The following NEFM variants were observed in gnomAD, a reference collection of about 807,000 sequenced individuals.
The protein encoded by NEFM is neurofilament medium polypeptide.
A neutral mutation model predicts 48.1 loss-of-function variants in NEFM; 16 were observed. The ratio of observed to expected loss-of-function variants is 0.33; its 90% CI spans 0.23 to 0.51. The LOEUF (loss-of-function observed/expected upper bound fraction) is 0.51, where lower values mean the gene tolerates loss of function less well. NEFM is among the 20% of genes least tolerant of loss of function. NEFM has a pLI of 0.98. For synonymous variants in NEFM, 465 were observed against 456.9 expected, an observed-to-expected ratio of 1.02 and a Z score of -0.23; for missense variants, 1,107 against 1,136.0, an observed-to-expected ratio of 0.97 and a Z score of 0.37.
Position 24,914,041 on chromosome 8 carries a change from T to A in NEFM, c.248T>A (p.Leu83Gln), listed in dbSNP as rs925668092. 1 of 1,612,700 alleles carries A rather than the reference T, an allele frequency of 6.2e-7. No homozygotes were observed. The highest frequency in any genetic ancestry group is 8.5e-7 in the Non-Finnish European group (1 of 1,179,976). The change falls in exon 1 of 3, where the codon CTG becomes CAG. Residue 83 changes from leucine to glutamine, a missense_variant. Leu to Gln is a moderately radical substitution (Grantham distance 113, BLOSUM62 -2). Around this residue, in one of 3 missense-constraint regions of NEFM, gnomAD observed 186 missense variants for 200.6 expected, o/e 0.93. Transcript: ENST00000221166. ...SSLDFSQSSS[L>Q]LNGGSGPGGD... ...CTTGACTTCAGCCAGTCCTCGTCCC[T>A]GCTCAACGGCGGCTCCGGACCCGGC...
At position 24,914,693 on chromosome 8, in the gene NEFM, C is replaced by G. The variant is rs748940347; in HGVS notation, c.900C>G (p.Thr300=). Residue 300 remains threonine (T), a synonymous_variant, in exon 1 of 3, where the codon ACC becomes ACG. Transcript: ENST00000221166. ...EWFKCRYAKL[T]EAAEQNKEAI... is the part of the protein sequence containing the mutation. ...TCAAATGCCGCTACGCCAAGCTCAC[C>G]GAGGCGGCCGAGCAGAACAAGGAGG... The G allele has an allele frequency of 1.9e-6, 3 of 1,613,986 alleles. No individual in the cohort carries two copies. The highest frequency in any genetic ancestry group is 2.5e-6 in the Non-Finnish European group (3 of 1,180,028).
chr8:24,918,595 C>A lies in NEFM; in HGVS notation c.2740C>A (p.Gln914Lys). ...ACACGCCATAGTAAAGGAAGTCACC[C>A]AGAGTGACTAAGATTTGAGTCCATT... ...TSHAIVKEVT[Q>K]SD is the part of the protein sequence containing the mutation. The change falls in exon 3 of 3, where the codon CAG (glutamine) becomes AAG (lysine). Residue 914 changes from glutamine to lysine, a missense_variant. Gln to Lys is a moderately conservative substitution (Grantham distance 53). Coordinates refer to ENST00000221166, the MANE Select transcript of NEFM (RefSeq NM_005382.2). 1 of 1,609,486 alleles carries A rather than the reference C, an allele frequency of 6.2e-7. No homozygotes were observed. Among genetic ancestry groups the A allele is most frequent in the Non-Finnish European group, 8.5e-7 (1 of 1,178,190 alleles).
chr8:24,918,350 A>G lies in NEFM; in HGVS notation c.2495A>G (p.Asn832Ser). 6.2e-7 allele frequency: 1 copy of G among 1,614,156 alleles called. No individual in the cohort carries two copies. Among genetic ancestry groups the G allele is most frequent in the South Asian group, 1.1e-5 (1 of 91,064 alleles). ...GREEEKGVVT[N>S]GLDLSPADEK... ...GAAGAGGAGAAAGGCGTTGTCACCA[A>G]TGGCCTAGACTTGAGCCCAGCAGAT... Residue 832 changes from asparagine (N) to serine (S), a missense_variant, in exon 3 of 3, where the codon AAT becomes AGT. By Grantham distance (46) the Asn-to-Ser change is conservative (BLOSUM62 1). Transcript: ENST00000221166.
chr8:24,917,842 G>C lies in NEFM; in HGVS notation c.1987G>C (p.Glu663Gln). The change falls in exon 3 of 3, where the codon GAG becomes CAG. Residue 663 changes from glutamate to glutamine, a missense_variant. Physicochemically the swap from Glu to Gln is conservative, Grantham distance 29. Transcript: ENST00000221166. ...TCCTGTGCCGAAATCACCAGTGGAA[G>C]AGAAAGGCAAGTCTCCTGTGTCAAA... is the stretch of plus-strand genomic sequence containing the variant. ...KSPVPKSPVE[E>Q]KGKSPVSKSP... The C allele has an allele frequency of 6.2e-7, 1 of 1,614,040 alleles. No individual in the cohort carries two copies. The highest frequency in any genetic ancestry group is 8.5e-7 in the Non-Finnish European group (1 of 1,179,964).
Position 24,914,499 on chromosome 8 carries a change from A to G in NEFM, c.706A>G (p.Ser236Gly). The G allele has an allele frequency of 6.2e-7, 1 of 1,613,998 alleles. No homozygotes were observed. The highest frequency in any genetic ancestry group is 8.5e-7 in the Non-Finnish European group (1 of 1,180,038). The change falls in exon 1 of 3, where the codon AGC becomes GGC. Residue 236 changes from serine to glycine, a missense_variant. Physicochemically the swap from Ser to Gly is moderately conservative, Grantham distance 56 (BLOSUM62 0). This residue lies in a region of NEFM where 917 missense variants were observed against 916.4 expected (regional missense o/e 1.00). Coordinates refer to ENST00000221166, the MANE Select transcript of NEFM (RefSeq NM_005382.2). ...GCAGGATGAGGTGGCCTTCCTGCGG[A>G]GCAACCACGAGGAGGAGGTGGCCGA... ...SLQDEVAFLR[S>G]NHEEEVADLL...
intron 1 of NEFM, 148 bp from the exon 2 acceptor site, chr8:24,915,457 G>A (rs1802558085): frequency 1.6e-6 from 2 of 1,253,670 alleles, no homozygotes; most frequent in Non-Finnish European, 1.1e-6. Context: ...AAGGGGGTGG[G>A]ACGGGGGGCT....
Position 24,918,193 on chromosome 8 carries a change from G to A in NEFM, c.2338G>A (p.Glu780Lys), listed in dbSNP as rs141781481. 7.1e-6 allele frequency: 11 copies of A among 1,552,686 alleles called. No homozygotes were observed. In the African/African-American group the frequency reaches 1.4e-4, roughly 19 times the overall value. ...GAAAGAGAAGGAGAAAGCGGGAGGAGAGGGAGGAAGTGAGGAGGAAGGGAG... is the reference window on the plus strand; with the variant it reads ...GAAAGAGAAGGAGAAAGCGGGAGGAAAGGGAGGAAGTGAGGAGGAAGGGAG... ...QEKEKEKAGG[E>K]GGSEEEGSDK... The change falls in exon 3 of 3, where the codon GAG (glutamate) becomes AAG (lysine). Residue 780 changes from glutamate (E) to lysine (K), a missense_variant. Around this residue, in one of 3 missense-constraint regions of NEFM, gnomAD observed 917 missense variants for 916.4 expected, o/e 1.00. Transcript: ENST00000221166.
At position 24,916,927 on chromosome 8, in the gene NEFM, T is replaced by C. The variant is rs1189439273; in HGVS notation, c.1206-134T>C. On this transcript the variant is annotated intron_variant, in intron 2 of 2. Transcript: ENST00000221166. The stretch of plus-strand genomic sequence containing the variant: ...CAGTAAGTGATAGCAGGTATTATAG[T>C]GAATTCATAGAATATTCTACTTATG... 4 of 804,970 alleles carry C rather than the reference T, an allele frequency of 5.0e-6. No individual in the cohort carries two copies. The African/African-American group carries it at 5.1e-5, about 10-fold the overall frequency. 49.9% of individuals were successfully genotyped at this position (804,970 alleles called of 1,614,324 possible). A position where few individuals can be genotyped will look rare whatever the true frequency, so the allele number is the denominator to read the frequency against.
chr8:24,918,443 G>T lies in NEFM; in HGVS notation c.2588G>T (p.Ser863Ile), dbSNP rs750609179. 1 of 1,614,172 alleles carries T rather than the reference G, an allele frequency of 6.2e-7. No individual in the cohort carries two copies. The highest frequency in any genetic ancestry group is 1.3e-5 in the African/African-American group (1 of 75,042). The change falls in exon 3 of 3, where the codon AGT (serine) becomes ATT (isoleucine). Residue 863 changes from serine to isoleucine, a missense_variant. By Grantham distance (142) the Ser-to-Ile change is moderately radical (BLOSUM62 -2). Around this residue, in one of 3 missense-constraint regions of NEFM, gnomAD observed 917 missense variants for 916.4 expected, o/e 1.00. Coordinates refer to ENST00000221166, the MANE Select transcript of NEFM (RefSeq NM_005382.2). ...VVTKTVEKIT[S>I]EGGDGATKYI... ...ACCAAAACGGTAGAAAAAATCACCA[G>T]TGAGGGGGGAGATGGTGCTACCAAA...
In NEFM at chr8:24,913,895, C is replaced by A; in HGVS notation, c.102C>A (p.Gly34=). 2 of 1,610,842 alleles carry A rather than the reference C, an allele frequency of 1.2e-6. No homozygotes were observed. Among genetic ancestry groups the A allele is most frequent in the Non-Finnish European group, 1.7e-6 (2 of 1,179,054 alleles). Residue 34 remains glycine (G), a synonymous_variant, in exon 1 of 3, where the codon GGC becomes GGA. Coordinates refer to ENST00000221166, the MANE Select transcript of NEFM (RefSeq NM_005382.2). ...GCGTCAGCGGCTCCCCGTCCAGTGG[C>A]TTCCGCTCGCAGTCGTGGTCCCGCG... ...FSRVSGSPSS[G]FRSQSWSRGS...
rs770034504 is a variant in NEFM, at chr8:24,917,155, A to G, written c.1300A>G (p.Ser434Gly). The change falls in exon 3 of 3, where the codon AGT becomes GGT. Residue 434 changes from serine to glycine, a missense_variant. This residue lies in a region of NEFM where 917 missense variants were observed against 916.4 expected (regional missense o/e 1.00). Coordinates refer to ENST00000221166, the MANE Select transcript of NEFM (RefSeq NM_005382.2). Reference protein sequence around the residue: ...YTHRPPITISSKIQKPKVEAP... With the variant: ...YTHRPPITISGKIQKPKVEAP... Reference sequence around the variant, plus strand: ...ACACCGACCCCCAATCACAATATCCAGTAAGATTCAGAAACCCAAGGTGGA... The same window carrying G: ...ACACCGACCCCCAATCACAATATCCGGTAAGATTCAGAAACCCAAGGTGGA... 6.8e-6 allele frequency: 11 copies of G among 1,614,054 alleles called. No homozygotes were observed. The highest frequency in any genetic ancestry group is 9.3e-6 in the Non-Finnish European group (11 of 1,180,048).
intron 1 of NEFM, 200 bp downstream of exon 1, chr8:24,915,073 C>T: frequency 7.3e-7 from 1 of 1,378,902 alleles, no homozygotes; most frequent in Non-Finnish European, 9.3e-7. Flanking sequence ...ACCCACCTGC[C>T]CCAGCTGCTA....
rs1563243991 is a variant in NEFM at position 24,918,430 on chromosome 8, G to A, written c.2575G>A (p.Glu859Lys). The change falls in exon 3 of 3, where the codon GAA becomes AAA. Residue 859 changes from glutamate (E) to lysine (K), a missense_variant. By Grantham distance (56) the Glu-to-Lys change is moderately conservative (BLOSUM62 1). Around this residue, in one of 3 missense-constraint regions of NEFM, gnomAD observed 917 missense variants for 916.4 expected, o/e 1.00. Coordinates refer to ENST00000221166, the MANE Select transcript of NEFM (RefSeq NM_005382.2). ...GAAAGTGGTGGTGACCAAAACGGTA[G>A]AAAAAATCACCAGTGAGGGGGGAGA... The part of the protein sequence containing the change: ...EEKVVVTKTV[E>K]KITSEGGDGA... 6.2e-7 allele frequency: 1 copy of A among 1,614,050 alleles called. No individual in the cohort carries two copies. The highest frequency in any genetic ancestry group is 8.5e-7 in the Non-Finnish European group (1 of 1,179,996).
In NEFM at chr8:24,915,090, T is replaced by C. The variant is rs1802552853; in HGVS notation, c.1080+217T>C. On this transcript the variant is annotated intron_variant, in intron 1 of 2. Transcript: ENST00000221166. Reference sequence around the variant, plus strand: ...CCACCTGCCCCAGCTGCTAAGGGTCTTGACCTTTTTCAGAAACGTGCATCT... The same window carrying C: ...CCACCTGCCCCAGCTGCTAAGGGTCCTGACCTTTTTCAGAAACGTGCATCT... The C allele has an allele frequency of 6.6e-6, 9 of 1,368,522 alleles. No homozygotes were observed. In the East Asian group the frequency reaches 2.6e-4, roughly 40 times the overall value. The allele number at this position is 1,368,522 out of a possible 1,614,324, so 84.8% of individuals were successfully genotyped here. A position where few individuals can be genotyped will look rare whatever the true frequency, so the allele number is the denominator to read the frequency against.
chr8:24,914,688 C>T lies in NEFM; in HGVS notation c.895C>T (p.Leu299Phe). ...EEWFKCRYAK[L>F]TEAAEQNKEA... ...GTGGTTCAAATGCCGCTACGCCAAG[C>T]TCACCGAGGCGGCCGAGCAGAACAA... Residue 299 changes from leucine to phenylalanine, a missense_variant, in exon 1 of 3, where the codon CTC becomes TTC. This residue lies in a region of NEFM where 917 missense variants were observed against 916.4 expected (regional missense o/e 1.00). Transcript: ENST00000221166. The T allele has an allele frequency of 1.9e-6, 3 of 1,614,160 alleles. No individual in the cohort carries two copies. The highest frequency in any genetic ancestry group is 2.5e-6 in the Non-Finnish European group (3 of 1,180,022).
rs547897621 is a variant in NEFM at position 24,918,014 on chromosome 8, A to C, written c.2159A>C (p.Lys720Thr). 6.9e-6 allele frequency: 11 copies of C among 1,585,102 alleles called. 1 individual carries two copies. In the South Asian group the frequency reaches 1.3e-4, roughly 18 times the overall value. Residue 720 changes from lysine to threonine, a missense_variant, in exon 3 of 3, where the codon AAA becomes ACA. Lys to Thr is a moderately conservative substitution (Grantham distance 78). Transcript: ENST00000221166. ...GCTCCCAAGGAAGAGAAGGTAGAGAAAAAGGAAGAGAAACCAAAGGATGTG... is the reference window on the plus strand; with the variant it reads ...GCTCCCAAGGAAGAGAAGGTAGAGACAAAGGAAGAGAAACCAAAGGATGTG... ...KEAPKEEKVE[K>T]KEEKPKDVPE...
At chr8:24,916,617 G>A (rs1020801243) in intron 2 of NEFM, among the ~76,000 whole-genome samples, 2 of 152,148 alleles carry the variant, frequency 1.3e-5, no homozygotes, top group African/African-American at 2.4e-5. Flanking sequence ...AAATCTAAAC[G>A]TTTAAGAAAG....
intron 1 of NEFM, 190 bp downstream of exon 1, chr8:24,915,063 A>G: frequency 7.3e-7 from 1 of 1,377,204 alleles, no homozygotes; most frequent in South Asian, 1.7e-5. Flanking sequence ...CTCCGCCCCC[A>G]CCCACCTGCC....
rs1313825548 is a variant in NEFM, at chr8:24,918,690, C to T, written c.*84C>T. Reference sequence around the variant, plus strand: ...GCAGCTTCAAAACAGAACGGGTTCTCCCATGGGGGCTCCAGACATTGTATT... The same window carrying T: ...GCAGCTTCAAAACAGAACGGGTTCTTCCATGGGGGCTCCAGACATTGTATT... On this transcript the variant is annotated 3_prime_UTR_variant, in exon 3 of 3. Transcript: ENST00000221166. The T allele has an allele frequency of 3.1e-6, 3 of 953,428 alleles. No homozygotes were observed. The highest frequency in any genetic ancestry group is 4.8e-5 in the East Asian group (2 of 41,982). The allele number at this position is 953,428 out of a possible 1,614,324, so 59.1% of individuals were successfully genotyped here. A position where few individuals can be genotyped will look rare whatever the true frequency, so the allele number is the denominator to read the frequency against.
Sources: allele counts gnomAD v4.1 joint callset (sites outside exome capture counted in the v4.1 genomes callset), GRCh38; gene constraint gnomAD v4.1.1; regional missense constraint gnomAD v4.1.1; transcripts MANE v1.5; gene names NCBI Gene and HGNC (gene_info 2026-07-23, HGNC 2026-07-21).